The following FBXO32 variants were observed in gnomAD, a reference collection of about 807,000 sequenced individuals.
FBXO32 encodes F-box only protein 32.
Under a neutral mutation model 48.3 loss-of-function variants are expected in FBXO32, and 15 were observed. The observed-to-expected ratio is 0.31, with a 90% confidence interval of 0.21 to 0.48. FBXO32 has a LOEUF of 0.48. Among genes scored for constraint, FBXO32 ranks in the 20% least tolerant of loss-of-function variants. The probability of loss-of-function intolerance (pLI) is 0.99; values close to 1 mark genes in which losing one functional copy is unlikely to be tolerated. For synonymous variants in FBXO32, 154 were observed against 165.9 expected, an observed-to-expected ratio of 0.93 and a Z score of 0.55; for missense variants, 309 against 432.7, an observed-to-expected ratio of 0.71 and a Z score of 2.54.
chr8:123,522,571 C>G (rs1177535150), intron 4 of FBXO32, among the ~76,000 whole-genome samples: 1 of 152,138 alleles, frequency 6.6e-6, no homozygotes, highest in Non-Finnish European at 1.5e-5. Flanking sequence ...ACAGCGATGT[C>G]TGGCTTGGCG....
intron 1 of FBXO32, among the ~76,000 whole-genome samples, chr8:123,535,828 T>G (rs879257499): frequency 1.2e-4 from 9 of 75,054 alleles, no homozygotes; most frequent in African/African-American, 2.8e-4. Context: ...AAATTAGGGG[T>G]TTTTTTTTTT....
chr8:123,529,688 G>C (rs974816142), intron 4 of FBXO32, among the ~76,000 whole-genome samples: 6 of 152,110 alleles, frequency 3.9e-5, no homozygotes, highest in African/African-American at 1.4e-4. Flanking sequence ...TGTGATCATG[G>C]ACAAGTCATT....
At chr8:123,509,887 G>A (rs562494539) in intron 6 of FBXO32, among the ~76,000 whole-genome samples, 19 of 152,328 alleles carry the variant, frequency 1.2e-4, no homozygotes, top group Admixed American at 1.1e-3. Flanking sequence ...TTCAGTTCTT[G>A]TGCCACATCC....
intron 7 of FBXO32, among the ~76,000 whole-genome samples, chr8:123,505,498 G>A (rs908692401): frequency 2.0e-5 from 3 of 152,250 alleles, no homozygotes; most frequent in Non-Finnish European, 2.9e-5. Context: ...AACTTTGGGA[G>A]GCCGAGGCAG....
intron 4 of FBXO32, 120 bp downstream of exon 4, chr8:123,531,778 G>C: frequency 1.7e-6 from 2 of 1,187,862 alleles, no homozygotes; most frequent in Non-Finnish European, 2.3e-6. Context: ...TTTTCTGCTT[G>C]CCTCAAAATT....
Position 123,540,982 on chromosome 8 carries a change from G to T in FBXO32, c.33C>A (p.Pro11=). Residue 11 remains proline, a synonymous_variant, in exon 1 of 9, where the codon CCC becomes CCA. Transcript: ENST00000517956. The surrounding 1 kb of genome is among the most constrained non-coding windows in gnomAD (Gnocchi z 6.4). MPFLGQDWRS[P]GQNWVKTADG... ...CGGCCGTCTTCACCCAGTTCTGCCCGGGGGACCGCCAGTCCTGCCCGAGGA... is the reference window on the plus strand; with the variant it reads ...CGGCCGTCTTCACCCAGTTCTGCCCTGGGGACCGCCAGTCCTGCCCGAGGA... The T allele has an allele frequency of 6.2e-7, 1 of 1,611,980 alleles. No homozygotes were observed. The highest frequency in any genetic ancestry group is 1.1e-5 in the South Asian group (1 of 91,014).
At chr8:123,522,205 C>CTTTT (rs138504281) in intron 4 of FBXO32, among the ~76,000 whole-genome samples, 7 of 115,290 alleles carry the variant, frequency 6.1e-5, no homozygotes, top group Non-Finnish European at 1.1e-4. Context: ...ATCCTGGTTA[C>CTTTT]TTTTTTTTTT....
At position 123,540,205 on chromosome 8, in the gene FBXO32, G is replaced by A. The variant is rs1368207048; in HGVS notation, c.116+694C>T. 2.0e-5 allele frequency among the ~76,000 whole-genome samples: 3 copies of A among 152,134 alleles called. No homozygotes were observed. Among genetic ancestry groups the A allele is most frequent in the Non-Finnish European group, 2.9e-5 (2 of 68,018 alleles). ...ACCGAGAGGGCCACCGAGGAAACAG[G>A]TGCAAGAGCCCTGTCCTCCCAGAAG... is the stretch of plus-strand genomic sequence containing the variant. On this transcript the variant is annotated intron_variant, in intron 1 of 8. Transcript: ENST00000517956. The surrounding 1 kb of genome is among the most constrained non-coding windows in gnomAD (Gnocchi z 6.4).
chr8:123,510,473 T>TGTG (rs1390557195), intron 6 of FBXO32, among the ~76,000 whole-genome samples: 2 of 151,702 alleles, frequency 1.3e-5, no homozygotes. Context: ...ATTAGCCGGG[T>TGTG]GTGGTGGTGC....
intron 7 of FBXO32, among the ~76,000 whole-genome samples, chr8:123,505,447 T>C (rs1157532729): frequency 7.2e-6 from 1 of 138,494 alleles, no homozygotes; most frequent in Non-Finnish European, 1.5e-5. Context: ...GTAAAAGTAC[T>C]CTACCACACA....
At chr8:123,503,594 C>T in intron 8 of FBXO32, 132 bp from the exon 9 acceptor site, 1 of 648,830 alleles carries the variant, frequency 1.5e-6, no homozygotes, top group Non-Finnish European at 2.7e-6. Flanking sequence ...GTTGCATGTT[C>T]TCACTCGTAT....
At position 123,532,121 on chromosome 8, in the gene FBXO32, G is replaced by T. The variant is rs1587002573; in HGVS notation, c.280-131C>A. 7.5e-6 allele frequency: 11 copies of T among 1,461,170 alleles called. No individual in the cohort carries two copies. In the East Asian group the frequency reaches 2.8e-4, roughly 37 times the overall value. 90.5% of individuals were successfully genotyped at this position (1,461,170 alleles called of 1,614,324 possible). On this transcript the variant is annotated intron_variant, in intron 3 of 8. Transcript: ENST00000517956. ...TGATGCCTGTCTTAGGTGACCTGGG[G>T]CACTGGCTTCTTTCCTGTACCCACA...
At chr8:123,528,941 T>C (rs1265829301) in intron 4 of FBXO32, among the ~76,000 whole-genome samples, 1 of 152,162 alleles carries the variant, frequency 6.6e-6, no homozygotes, top group Admixed American at 6.5e-5. Flanking sequence ...AGTAGTACGA[T>C]GGGGATAATA....
Position 123,503,437 on chromosome 8 carries a change from T to C in FBXO32, c.1004A>G (p.Asn335Ser), listed in dbSNP as rs1485326124. Residue 335 changes from asparagine (N) to serine (S), a missense_variant, in exon 9 of 9, where the codon AAT (asparagine) becomes AGT (serine). Coordinates refer to ENST00000517956, the MANE Select transcript of FBXO32 (RefSeq NM_058229.4). ...WKGTDHPCTA[N>S]NPESCSVSLS... ...TGAAACGGAGCAGCTCTCTGGGTTA[T>C]TGGCAGTGCACGGATGGTCAGTGCC... The C allele has an allele frequency of 1.9e-6, 3 of 1,614,010 alleles. No individual in the cohort carries two copies. Among genetic ancestry groups the C allele is most frequent in the South Asian group, 2.2e-5 (2 of 91,086 alleles).
chr8:123,533,135 C>A (rs544015843), intron 3 of FBXO32, 56 bp downstream of exon 3: 1 of 1,315,534 alleles, frequency 7.6e-7, no homozygotes, highest in Non-Finnish European at 1.1e-6. Flanking sequence ...TCCCTCCCTG[C>A]GCTATCAGGA....
intron 4 of FBXO32, among the ~76,000 whole-genome samples, chr8:123,518,460 G>A (rs1198197893): frequency 2.0e-5 from 3 of 152,122 alleles, no homozygotes; most frequent in African/African-American, 7.2e-5. Flanking sequence ...ATAAATAAAT[G>A]CTTTCACACT....
Position 123,498,659 on chromosome 8 carries a change from C to G in FBXO32, c.*4714G>C, listed in dbSNP as rs575797292. 6.6e-6 allele frequency: 1 copy of G among 152,316 alleles called. No homozygotes were observed. Among genetic ancestry groups the G allele is most frequent in the Non-Finnish European group, 1.5e-5 (1 of 68,046 alleles). The allele number at this position is 152,316 out of a possible 1,614,324, so 9.4% of individuals were successfully genotyped here. A position where few individuals can be genotyped will look rare whatever the true frequency, so the allele number is the denominator to read the frequency against. Reference sequence around the variant, plus strand: ...TGGAGAAGATGGATTAAATGTACCTCTGAGTCTAGGGGAGAGGAAACACCT... The same window carrying G: ...TGGAGAAGATGGATTAAATGTACCTGTGAGTCTAGGGGAGAGGAAACACCT... On this transcript the variant is annotated 3_prime_UTR_variant, in exon 9 of 9. Transcript: ENST00000517956.
intron 6 of FBXO32, among the ~76,000 whole-genome samples, chr8:123,512,992 T>G (rs1424672619): frequency 6.6e-6 from 1 of 152,236 alleles, no homozygotes; most frequent in Non-Finnish European, 1.5e-5. Context: ...ATCTTTCATG[T>G]ACTTTGATCC....
At chr8:123,523,206 T>C (rs762421380) in intron 4 of FBXO32, among the ~76,000 whole-genome samples, 6 of 152,194 alleles carry the variant, frequency 3.9e-5, no homozygotes, top group Non-Finnish European at 7.3e-5. Flanking sequence ...TCTGTGGGAC[T>C]GGCACTGAAA....
Sources: gnomAD v4.1 joint callset for allele counts (sites outside exome capture counted in the v4.1 genomes callset) on GRCh38, gnomAD v4.1.1 for gene constraint, Gnocchi (gnomAD v3.1) non-coding constraint, MANE v1.5 for transcripts, NCBI Gene and HGNC (gene_info 2026-07-23, HGNC 2026-07-21) for gene names.